Variants in ADK observed in about 807,000 individuals in gnomAD.
ADK encodes adenosine kinase, also known as N6,N6-dimethyladenosine kinase.
Under a neutral mutation model 44.7 loss-of-function variants are expected in ADK, and 24 were observed. That is an observed-to-expected ratio of 0.54 (90% CI 0.39 to 0.76). The LOEUF (loss-of-function observed/expected upper bound fraction) is 0.76, where lower values mean the gene tolerates loss of function less well. Among genes scored for constraint, ADK ranks in the 30% least tolerant of loss-of-function variants. ADK has a pLI of 0.00. For missense variants in ADK, 321 were observed against 425.1 expected (o/e 0.76, Z 2.15); for synonymous variants, 128 against 142.6 (o/e 0.90, Z 0.73).
intron 10 of ADK, among the ~76,000 whole-genome samples, chr10:74,679,266 A>C (rs1399636745): frequency 6.6e-6 from 1 of 152,008 alleles, no homozygotes; most frequent in Non-Finnish European, 1.5e-5. Flanking sequence ...CTATGACATA[A>C]GAGTTTTCAT....
chr10:74,540,899 A>G (rs185227578), intron 7 of ADK, among the ~76,000 whole-genome samples: 113 of 152,340 alleles, frequency 7.4e-4, no homozygotes, highest in African/African-American at 2.4e-3. Flanking sequence ...AGTTTTTCAC[A>G]GAGAAAATAG....
rs1491177854 is a variant in ADK at position 74,598,440 on chromosome 10, CCT to C, written c.763-1938_763-1937del. Among the ~76,000 whole-genome samples, 167 of 114,058 alleles carry C rather than the reference CCT, an allele frequency of 1.5e-3. 24 individuals are homozygous for C. Among genetic ancestry groups the C allele is most frequent in the African/African-American group, 4.5e-3 (112 of 24,986 alleles). The allele number at this position is 114,058 out of a possible 152,430, so 74.8% of individuals were successfully genotyped here. A position where few individuals can be genotyped will look rare whatever the true frequency, so the allele number is the denominator to read the frequency against. On this transcript the variant is annotated intron_variant, in intron 8 of 10. Coordinates refer to ENST00000539909, the MANE Select transcript of ADK (RefSeq NM_006721.4). Reference sequence around the variant, plus strand: ...TAGAAAGCAACCATGGAATCTTATTCCTTTTTTTTTTTTTTTTTTTTTTTTTT... The same window carrying C: ...TAGAAAGCAACCATGGAATCTTATTCTTTTTTTTTTTTTTTTTTTTTTTTT...
chr10:74,262,106 G>A (rs1033642226), intron 3 of ADK, among the ~76,000 whole-genome samples: 4 of 151,916 alleles, frequency 2.6e-5, no homozygotes, highest in Admixed American at 6.6e-5. Flanking sequence ...ATCACCTGAG[G>A]TCAGGAGTTC....
chr10:74,303,546 T>C (rs72818517), intron 3 of ADK, among the ~76,000 whole-genome samples: 40 of 148,850 alleles, frequency 2.7e-4, no homozygotes, highest in Middle Eastern at 3.5e-3. Flanking sequence ...TGAAAGAAAG[T>C]ATCTCCAGTA....
At chr10:74,330,033 T>C (rs1592055915) in intron 4 of ADK, among the ~76,000 whole-genome samples, 1 of 151,228 alleles carries the variant, frequency 6.6e-6, no homozygotes, top group African/African-American at 2.4e-5. Context: ...CCAGGCACGG[T>C]GGTACATGCC....
At chr10:74,436,478 CAAA>C (rs34848555) in intron 6 of ADK, among the ~76,000 whole-genome samples, 11 of 140,462 alleles carry the variant, frequency 7.8e-5, no homozygotes, top group Non-Finnish European at 9.2e-5. Flanking sequence ...TTACTGTCTC[CAAA>C]AAAAAAAAAA....
intron 6 of ADK, among the ~76,000 whole-genome samples, chr10:74,430,193 T>G (rs756619843): frequency 6.6e-6 from 1 of 152,208 alleles, no homozygotes; most frequent in Non-Finnish European, 1.5e-5. Flanking sequence ...TAGATTCACA[T>G]GCAGTTGTAA....
intron 4 of ADK, among the ~76,000 whole-genome samples, chr10:74,392,735 C>A (rs1233831985): frequency 7.5e-6 from 1 of 133,812 alleles, no homozygotes; most frequent in Admixed American, 7.9e-5. Flanking sequence ...AAGCTGTCCC[C>A]CATATTTGAA....
intron 6 of ADK, among the ~76,000 whole-genome samples, chr10:74,499,020 AG>A (rs1847793852): frequency 6.6e-6 from 1 of 152,206 alleles, no homozygotes; most frequent in Admixed American, 6.5e-5. Context: ...AACAGTTTAC[AG>A]AAAAACTCTT....
At chr10:74,221,667 A>G (rs1205377418) in intron 2 of ADK, among the ~76,000 whole-genome samples, 3 of 147,206 alleles carry the variant, frequency 2.0e-5, no homozygotes, top group Non-Finnish European at 3.0e-5. Context: ...TGGTACCAAA[A>G]CAGAGATATA....
At chr10:74,314,473 A>G (rs556278270) in intron 3 of ADK, among the ~76,000 whole-genome samples, 194 bp from the exon 4 acceptor site, 173 of 152,166 alleles carry the variant, frequency 1.1e-3, no homozygotes, top group Non-Finnish European at 2.2e-3. Context: ...ATAGTTGTAC[A>G]CTTATGGAAA....
chr10:74,448,907 A>C (rs1179060652), intron 6 of ADK, among the ~76,000 whole-genome samples: 1 of 152,156 alleles, frequency 6.6e-6, no homozygotes, highest in Non-Finnish European at 1.5e-5. Context: ...CCACTTTTCA[A>C]ATTAAAAAGC....
At position 74,202,804 on chromosome 10, in the gene ADK, G is replaced by A. The variant is rs569801619; in HGVS notation, c.140+1966G>A. On this transcript the variant is annotated intron_variant, in intron 2 of 10. Transcript: ENST00000539909. ...TCTTTGCCCATTTTTTAATTGGGTC[G>A]TTGTCTTTTTGTTAAGTTGTAAAAG... Among the ~76,000 whole-genome samples the A allele has an allele frequency of 6.1e-4, 93 of 152,106 alleles. No homozygotes were observed. In the South Asian group the frequency reaches 0.018, roughly 30 times the overall value.
intron 6 of ADK, among the ~76,000 whole-genome samples, chr10:74,441,299 T>G (rs1845398881): frequency 6.6e-6 from 1 of 152,196 alleles, no homozygotes; most frequent in African/African-American, 2.4e-5. Flanking sequence ...TGTGGAGAAC[T>G]TGGAACCCTC....
intron 6 of ADK, among the ~76,000 whole-genome samples, chr10:74,407,422 T>C (rs557127894): frequency 6.6e-6 from 1 of 152,360 alleles, no homozygotes; most frequent in East Asian, 1.9e-4. Flanking sequence ...ATAGTATGCT[T>C]ATGTTGTCAT....
At chr10:74,621,405 C>A (rs1462466643) in intron 9 of ADK, among the ~76,000 whole-genome samples, 1 of 152,100 alleles carries the variant, frequency 6.6e-6, no homozygotes, top group Non-Finnish European at 1.5e-5. Context: ...TTTCTGAGTT[C>A]TCTATTCTGT....
intron 6 of ADK, among the ~76,000 whole-genome samples, chr10:74,425,206 A>G (rs1004788757): frequency 6.6e-5 from 10 of 152,212 alleles, no homozygotes; most frequent in Admixed American, 3.3e-4. Flanking sequence ...TGTGGGCTGC[A>G]TAGGTAACAT....
intron 3 of ADK, among the ~76,000 whole-genome samples, chr10:74,306,061 G>T (rs762115524): frequency 6.6e-6 from 1 of 150,944 alleles, no homozygotes; most frequent in Non-Finnish European, 1.5e-5. Context: ...TTTCTGCACC[G>T]CACTTCTTTT....
chr10:74,454,854 T>G (rs1055978661), intron 6 of ADK, among the ~76,000 whole-genome samples: 2 of 152,186 alleles, frequency 1.3e-5, no homozygotes. Flanking sequence ...CCCCTCTGTC[T>G]CTTTGTCTTT....
Sources: allele counts gnomAD v4.1 joint callset (sites outside exome capture counted in the v4.1 genomes callset), GRCh38; gene constraint gnomAD v4.1.1; transcripts MANE v1.5; gene names NCBI Gene and HGNC (gene_info 2026-07-23, HGNC 2026-07-21).